Variants in LTAP1 observed in about 807,000 individuals in gnomAD.
The protein encoded by LTAP1 is lipid transport auxiliary protein 1.
At chr1:154,214,677 A>C in the LTAP1 span, 1 of 696,200 alleles carries the variant, frequency 1.4e-6, no homozygotes, top group African/African-American at 1.8e-5. Context: ...CAACAGAAAT[A>C]GAGACCATGC....
the LTAP1 span, chr1:154,220,072 GC>G: frequency 1.2e-6 from 1 of 849,186 alleles, no homozygotes; most frequent in Non-Finnish European, 1.8e-6. Flanking sequence ...TTGGGGCAAA[GC>G]AAGGCCGTTA....
the LTAP1 span, chr1:154,212,592 G>T: frequency 6.2e-7 from 1 of 1,614,170 alleles, no homozygotes; most frequent in Non-Finnish European, 8.5e-7. Flanking sequence ...ATTAAGGAAC[G>T]GGGATGCCGG....
At chr1:154,212,695 C>G in the LTAP1 span, 2 of 1,560,228 alleles carry the variant, frequency 1.3e-6, no homozygotes, top group Non-Finnish European at 1.7e-6. Context: ...GAGTCTCGCT[C>G]TGTCACCCGG....
chr1:154,215,207 TA>T, the LTAP1 span, among the ~76,000 whole-genome samples: 3 of 151,350 alleles, frequency 2.0e-5, no homozygotes, highest in African/African-American at 4.8e-5. Context: ...GAGGCTACTT[TA>T]AAAAAAAATT....
the LTAP1 span, among the ~76,000 whole-genome samples, chr1:154,217,552 A>G: frequency 1.3e-5 from 2 of 152,008 alleles, no homozygotes; most frequent in Non-Finnish European, 2.9e-5. Flanking sequence ...GTTTTTGGTG[A>G]GACAGAGTCT....
At chr1:154,212,046 G>A in the LTAP1 span, 6 of 378,388 alleles carry the variant, frequency 1.6e-5, no homozygotes, top group South Asian at 5.2e-5. Context: ...AGTAGAGAAC[G>A]GGGTTTCTCC....
the LTAP1 span, chr1:154,207,435 A>C: frequency 1.7e-5 from 28 of 1,612,770 alleles, no homozygotes; most frequent in African/African-American, 2.7e-5. Flanking sequence ...AATCTACGGC[A>C]AGAGTCCTTC....
At chr1:154,207,713 C>G in the LTAP1 span, 1 of 1,336,134 alleles carries the variant, frequency 7.5e-7, no homozygotes, top group South Asian at 1.4e-5. Context: ...AGGGCTTATC[C>G]CAGGCCATAA....
At chr1:154,207,331 G>T in the LTAP1 span, 1 of 859,696 alleles carries the variant, frequency 1.2e-6, no homozygotes. Context: ...GATACAACGG[G>T]AACTTGGATG....
At chr1:154,207,712 C>T in the LTAP1 span, 11 of 1,340,572 alleles carry the variant, frequency 8.2e-6, no homozygotes, top group South Asian at 1.4e-5. Context: ...CAGGGCTTAT[C>T]CCAGGCCATA....
chr1:154,213,824 G>A, the LTAP1 span: 2,017 of 1,244,764 alleles, frequency 1.6e-3, 28 homozygotes, highest in African/African-American at 0.027. Flanking sequence ...CATACAAAGT[G>A]GGTTCATTAC....
At chr1:154,220,490 C>G in the LTAP1 span, 1 of 1,497,678 alleles carries the variant, frequency 6.7e-7, no homozygotes, top group Non-Finnish European at 9.3e-7. Flanking sequence ...AGCGACGGCG[C>G]CTGGGTCCCC....
At chr1:154,214,347 A>G in the LTAP1 span, 2 of 734,644 alleles carry the variant, frequency 2.7e-6, no homozygotes, top group Non-Finnish European at 4.8e-6. Flanking sequence ...CATATATCCA[A>G]TAACAGGAAT....
the LTAP1 span, among the ~76,000 whole-genome samples, chr1:154,216,240 C>T: frequency 5.9e-5 from 9 of 152,248 alleles, no homozygotes; most frequent in South Asian, 1.7e-3. Flanking sequence ...ACTGTTTTAT[C>T]GTGTCACCCT....
chr1:154,214,613 G>T, the LTAP1 span: 1 of 1,329,982 alleles, frequency 7.5e-7, no homozygotes. Flanking sequence ...CATTTACCCT[G>T]CACTCTGCTT....
At chr1:154,220,034 G>A in the LTAP1 span, 1 of 1,093,006 alleles carries the variant, frequency 9.1e-7, no homozygotes, top group Non-Finnish European at 1.3e-6. Context: ...CCCAGATTCC[G>A]GCTCTCAGGA....
the LTAP1 span, among the ~76,000 whole-genome samples, chr1:154,208,872 G>A: frequency 2.6e-5 from 4 of 152,014 alleles, no homozygotes; most frequent in South Asian, 2.1e-4. Flanking sequence ...TCGGCCTCCC[G>A]AGTAGCTGGG....
At chr1:154,207,838 C>T in the LTAP1 span, among the ~76,000 whole-genome samples, 27 of 152,280 alleles carry the variant, frequency 1.8e-4, no homozygotes, top group Admixed American at 1.4e-3. Context: ...CGGTGGCTCA[C>T]GCCTGTAATC....
At chr1:154,218,566 A>C in the LTAP1 span, among the ~76,000 whole-genome samples, 1 of 152,252 alleles carries the variant, frequency 6.6e-6, no homozygotes, top group African/African-American at 2.4e-5. Flanking sequence ...TGTTAATGAA[A>C]GTACAGTGCT....
Sources: gnomAD v4.1 joint callset for allele counts (sites outside exome capture counted in the v4.1 genomes callset) on GRCh38, gnomAD v4.1.1 for gene constraint, MANE v1.5 for transcripts, NCBI Gene and HGNC (gene_info 2026-07-23, HGNC 2026-07-21) for gene names.